The following SYNE2 variants were observed in gnomAD, a reference collection of about 807,000 sequenced individuals.
The protein encoded by SYNE2 is spectrin repeat containing nuclear envelope protein 2, also known as nesprin-2.
Under a neutral mutation model 856.3 loss-of-function variants are expected in SYNE2, and 431 were observed. The ratio of observed to expected loss-of-function variants is 0.50; its 90% CI spans 0.47 to 0.55. SYNE2 has a LOEUF of 0.55. Ranked by LOEUF, SYNE2 falls within the 20% of genes least tolerant of loss-of-function variation. The pLI, the probability that SYNE2 is intolerant of heterozygous loss-of-function variation, is 0.00. For missense variants in SYNE2, 8,129 were observed against 8,023.2 expected, an observed-to-expected ratio of 1.01 and a Z score of -0.50; for synonymous variants, 2,923 against 2,872.3, an observed-to-expected ratio of 1.02 and a Z score of -0.56.
chr14:63,978,685 A>G (rs1327197214), intron 13 of SYNE2, among the ~76,000 whole-genome samples, 167 bp from the exon 14 acceptor site: 1 of 152,220 alleles, frequency 6.6e-6, no homozygotes, highest in Non-Finnish European at 1.5e-5. Context: ...ACCTAGTCAC[A>G]GTATTCGTTT....
At chr14:63,940,871 C>T (rs888945678) in intron 3 of SYNE2, among the ~76,000 whole-genome samples, 196 bp downstream of exon 3, 2 of 151,956 alleles carry the variant, frequency 1.3e-5, no homozygotes, top group African/African-American at 4.8e-5. Flanking sequence ...CTTTCTCACA[C>T]AGAAAAAAAG....
intron 1 of SYNE2, among the ~76,000 whole-genome samples, chr14:63,762,599 T>C (rs575589062): frequency 1.4e-4 from 21 of 151,122 alleles, no homozygotes; most frequent in African/African-American, 3.6e-4. Flanking sequence ...TTCTTTCTTT[T>C]TTTTTTTTTT....
intron 2 of SYNE2, among the ~76,000 whole-genome samples, chr14:63,932,257 C>T (rs532046710): frequency 1.4e-4 from 22 of 152,200 alleles, no homozygotes; most frequent in Admixed American, 1.3e-3. Flanking sequence ...TGATGAGTGC[C>T]TGTAATCCCA....
At chr14:64,174,024 A>G (rs1193919256) in intron 94 of SYNE2, 1 of 627,802 alleles carries the variant, frequency 1.6e-6, no homozygotes, top group Admixed American at 3.0e-5. Flanking sequence ...CACCGCCACT[A>G]AAATATAGAA....
chr14:63,939,595 G>A (rs1489065603), intron 2 of SYNE2, among the ~76,000 whole-genome samples: 1 of 151,974 alleles, frequency 6.6e-6, no homozygotes, highest in Non-Finnish European at 1.5e-5. Flanking sequence ...TGATCCACCG[G>A]CCTCAGCCTC....
intron 1 of SYNE2, among the ~76,000 whole-genome samples, chr14:63,789,875 G>A (rs1350740052): frequency 6.6e-6 from 1 of 152,216 alleles, no homozygotes; most frequent in African/African-American, 2.4e-5. Flanking sequence ...AAAAATTGTA[G>A]GGGAGTTTGA....
At chr14:63,950,070 C>A (rs763013071) in intron 7 of SYNE2, 64 bp downstream of exon 7, 15 of 1,516,394 alleles carry the variant, frequency 9.9e-6, no homozygotes, top group Non-Finnish European at 1.4e-5. Context: ...CACCACCTCA[C>A]CACCCAAACA....
rs755213370 is a variant in SYNE2, at chr14:63,995,295, CTGA to C, written c.2940+94_2940+96del. 77 of 1,109,720 alleles carry C rather than the reference CTGA, an allele frequency of 6.9e-5. 1 individual carries two copies. Among genetic ancestry groups the C allele is most frequent in the Non-Finnish European group, 1.0e-4 (76 of 750,046 alleles). The allele number at this position is 1,109,720 out of a possible 1,614,324, so 68.7% of individuals were successfully genotyped here. On this transcript the variant is annotated intron_variant, in intron 23 of 115. Transcript: ENST00000555002. ...TCTTTAGCCTAGGATGAAAACTGTT[CTGA>C]AAATTACCCTAGCCCTCCTCTCCCC...
chr14:63,966,508 G>C (rs1479524636), intron 10 of SYNE2, among the ~76,000 whole-genome samples: 1 of 151,800 alleles, frequency 6.6e-6, no homozygotes, highest in Non-Finnish European at 1.5e-5. Flanking sequence ...GGGCGATAGA[G>C]CCAGATCCTG....
At chr14:64,034,703 C>T in intron 45 of SYNE2, 1 of 431,906 alleles carries the variant, frequency 2.3e-6, no homozygotes, top group Admixed American at 3.9e-5. Context: ...GGTATTTGTG[C>T]TTATGATTCA....
intron 48 of SYNE2, among the ~76,000 whole-genome samples, chr14:64,054,488 C>G (rs1036788639): frequency 3.9e-5 from 6 of 152,260 alleles, no homozygotes; most frequent in Admixed American, 2.0e-4. Flanking sequence ...TCTCAGAGTC[C>G]TGAGAACAGT....
intron 66 of SYNE2, among the ~76,000 whole-genome samples, chr14:64,115,328 G>C (rs2097845778): frequency 6.6e-6 from 1 of 152,138 alleles, no homozygotes; most frequent in Non-Finnish European, 1.5e-5. Context: ...TACTGCAGGA[G>C]ACCTTCCAGA....
At chr14:63,900,343 C>T (rs2095319868) in intron 1 of SYNE2, among the ~76,000 whole-genome samples, 1 of 152,126 alleles carries the variant, frequency 6.6e-6, no homozygotes, top group Admixed American at 6.6e-5. Context: ...GTTTAATGAA[C>T]TTAAACTTCC....
At chr14:64,002,690 G>T in intron 29 of SYNE2, 30 bp from the exon 30 acceptor site, 1 of 1,607,750 alleles carries the variant, frequency 6.2e-7, no homozygotes. Flanking sequence ...TTCCACCTCA[G>T]TGTTTTAGCT....
intron 45 of SYNE2, chr14:64,034,427 C>A (rs909611373): frequency 2.3e-6 from 1 of 443,992 alleles, no homozygotes; most frequent in Admixed American, 3.8e-5. Flanking sequence ...TTAAATAGAC[C>A]CCAGAAGAAT....
In SYNE2 at chr14:64,010,021, A is replaced by T; in HGVS notation, c.4633A>T (p.Ser1545Cys). The T allele has an allele frequency of 6.2e-7, 1 of 1,614,072 alleles. No individual in the cohort carries two copies. Among genetic ancestry groups the T allele is most frequent in the South Asian group, 1.1e-5 (1 of 91,070 alleles). ...CTTAAAACAATATCAGAATTTTAAA[A>T]GCATCTTGACAACTTTGATTCAAAA... The part of the protein sequence containing the change: ...ELLKQYQNFK[S>C]ILTTLIQKEE... Residue 1545 changes from serine (S) to cysteine (C), a missense_variant, in exon 32 of 116, where the codon AGC becomes TGC. Transcript: ENST00000555002.
intron 66 of SYNE2, among the ~76,000 whole-genome samples, chr14:64,114,439 G>T (rs931389771): frequency 6.6e-6 from 1 of 152,122 alleles, no homozygotes; most frequent in African/African-American, 2.4e-5. Flanking sequence ...CATATCACTA[G>T]CCCTGCCACA....
intron 7 of SYNE2, among the ~76,000 whole-genome samples, chr14:63,952,668 T>TA (rs1326066796): frequency 6.6e-5 from 10 of 152,240 alleles, no homozygotes; most frequent in Non-Finnish European, 1.0e-4. Context: ...GAATTTTTTT[T>TA]AAAGCATTTA....
chr14:64,185,606 C>T (rs553388174), intron 96 of SYNE2, among the ~76,000 whole-genome samples: 27 of 149,624 alleles, frequency 1.8e-4, no homozygotes, highest in East Asian at 3.9e-4. Context: ...CTGCAACCTC[C>T]GCCTCCTGGG....
Sources: gnomAD v4.1 joint callset for allele counts (sites outside exome capture counted in the v4.1 genomes callset) on GRCh38, gnomAD v4.1.1 for gene constraint, MANE v1.5 for transcripts, NCBI Gene and HGNC (gene_info 2026-07-23, HGNC 2026-07-21) for gene names.